The following CD47 variants were observed in gnomAD, a reference collection of about 807,000 sequenced individuals.
CD47 encodes the protein leukocyte surface antigen CD47.
A neutral mutation model predicts 44.6 loss-of-function variants in CD47; 11 were observed. The ratio of observed to expected loss-of-function variants is 0.25; its 90% confidence interval spans 0.16 to 0.41. The LOEUF is 0.41. Ranked by LOEUF, CD47 falls within the 10% of genes least tolerant of loss-of-function variation. The pLI, the probability that CD47 is intolerant of heterozygous loss-of-function variation, is 1.00. For missense variants in CD47, 306 were observed against 386.7 expected, an observed-to-expected ratio of 0.79 and a Z score of 1.75; for synonymous variants, 140 against 136.3, an observed-to-expected ratio of 1.03 and a Z score of -0.19.
At chr3:108,079,567 T>TAAAAAAAAAAAAAAAAAAAAA (rs71629342) in intron 2 of CD47, among the ~76,000 whole-genome samples, 1 of 53,120 alleles carries the variant, frequency 1.9e-5, no homozygotes, top group African/African-American at 1.0e-4. Flanking sequence ...AGTGTAAGGT[T>TAAAAAAAAAAAAAAAAAAAAA]AAAAAAAAAA....
chr3:108,085,196 A>G (rs910810888), intron 1 of CD47, among the ~76,000 whole-genome samples: 13 of 152,054 alleles, frequency 8.5e-5, no homozygotes, highest in African/African-American at 3.1e-4. Context: ...GCCTTAGCAC[A>G]TACTGTTCCT....
chr3:108,060,621 T>C, intron 4 of CD47, 124 bp downstream of exon 4: 2 of 643,386 alleles, frequency 3.1e-6, no homozygotes, highest in South Asian at 1.8e-5. Context: ...GGAATTGCTA[T>C]TGTTTAAGCC....
At chr3:108,077,984 G>A (rs893574885) in intron 2 of CD47, among the ~76,000 whole-genome samples, 14 of 151,960 alleles carry the variant, frequency 9.2e-5, no homozygotes, top group African/African-American at 2.7e-4. Context: ...TGATTGTGTA[G>A]GTAGTTACGC....
intron 9 of CD47, among the ~76,000 whole-genome samples, chr3:108,050,308 G>A (rs943595279): frequency 1.3e-5 from 2 of 152,104 alleles, no homozygotes; most frequent in African/African-American, 4.8e-5. Flanking sequence ...AGTAGAGACA[G>A]GGTTTCAACA....
rs573320458 is a variant in CD47 at position 108,052,368 on chromosome 3, T to C, written c.878-398A>G. 5 of 198,446 alleles carry C rather than the reference T, an allele frequency of 2.5e-5. No homozygotes were observed. The East Asian group carries it at 4.3e-4, about 17-fold the overall frequency. The allele number at this position is 198,446 out of a possible 1,614,324, so 12.3% of individuals were successfully genotyped here. On this transcript the variant is annotated intron_variant, in intron 7 of 10. Coordinates refer to ENST00000361309, the MANE Select transcript of CD47 (RefSeq NM_001777.4). ...GCCAGAATTTGTCCCCACTACTCCA[T>C]CTCCCTTAGCTCACTGCTCCTGTGT...
intron 1 of CD47, among the ~76,000 whole-genome samples, chr3:108,084,679 A>C (rs1430434577): frequency 1.3e-5 from 2 of 151,916 alleles, no homozygotes; most frequent in Non-Finnish European, 2.9e-5. Flanking sequence ...CCCACTTCTT[A>C]CCCTCAGCCT....
intron 10 of CD47, among the ~76,000 whole-genome samples, chr3:108,049,058 TA>T (rs1014422916): frequency 6.1e-5 from 9 of 146,498 alleles, no homozygotes; most frequent in East Asian, 2.0e-4. Flanking sequence ...CCAGAGTTCT[TA>T]AAAAAAAAAT....
intron 3 of CD47, among the ~76,000 whole-genome samples, chr3:108,065,322 T>C (rs1472276786): frequency 6.6e-6 from 1 of 152,142 alleles, no homozygotes; most frequent in African/African-American, 2.4e-5. Flanking sequence ...TTTTTGAGTA[T>C]ATGGAGAAGG....
At chr3:108,074,711 T>G (rs1054753673) in intron 2 of CD47, among the ~76,000 whole-genome samples, 35 of 89,500 alleles carry the variant, frequency 3.9e-4, no homozygotes, top group Non-Finnish European at 4.8e-4. Flanking sequence ...GTGGGGCGGG[T>G]GGGGGGGGGG....
chr3:108,054,924 C>A lies in CD47; in HGVS notation c.877+2553G>T, dbSNP rs150835453. On this transcript the variant is annotated intron_variant, in intron 7 of 10. Coordinates refer to ENST00000361309, the MANE Select transcript of CD47 (RefSeq NM_001777.4). Reference sequence around the variant, plus strand: ...CTTTAAAAATGAGAAAGTATTGATCCTTATAATTATATAAACGTTCTCTAC... The same window carrying A: ...CTTTAAAAATGAGAAAGTATTGATCATTATAATTATATAAACGTTCTCTAC... Among the ~76,000 whole-genome samples, 830 of 152,182 alleles carry A rather than the reference C, an allele frequency of 5.5e-3. 25 individuals are homozygous for A. Among genetic ancestry groups the A allele is most frequent in the Admixed American group, 0.045 (691 of 15,272 alleles).
chr3:108,048,638 C>A (rs911137488), intron 10 of CD47, among the ~76,000 whole-genome samples: 10 of 152,098 alleles, frequency 6.6e-5, no homozygotes, highest in African/African-American at 2.4e-4. Flanking sequence ...CCCGCCTCGG[C>A]CTCCCAAAGT....
At chr3:108,060,339 T>C (rs1469598823) in intron 4 of CD47, among the ~76,000 whole-genome samples, 1 of 152,202 alleles carries the variant, frequency 6.6e-6, no homozygotes, top group Non-Finnish European at 1.5e-5. Flanking sequence ...TGGGCTCTAA[T>C]TCCAATGACA....
At chr3:108,048,204 TTTAAC>T (rs1188967471) in intron 10 of CD47, among the ~76,000 whole-genome samples, 1 of 152,138 alleles carries the variant, frequency 6.6e-6, no homozygotes, top group Non-Finnish European at 1.5e-5. Flanking sequence ...TGTTATGTCT[TTTAAC>T]TTATTCCTGT....
chr3:108,090,605 G>GGAGAACCGGGTGGAGGAGAT, intron 1 of CD47, among the ~76,000 whole-genome samples: 1 of 146,198 alleles, frequency 6.8e-6, no homozygotes, highest in Non-Finnish European at 1.5e-5. Flanking sequence ...ATTTGGAGAT[G>GGAGAACCGGGTGGAGGAGAT]GAGAACCGGG....
intron 10 of CD47, 120 bp downstream of exon 10, chr3:108,049,499 C>A (rs941192050): frequency 4.2e-6 from 3 of 712,702 alleles, no homozygotes; most frequent in Non-Finnish European, 7.5e-6. Flanking sequence ...GAAATGTGAA[C>A]CTTTATCATC....
intron 7 of CD47, 177 bp from the exon 8 acceptor site, chr3:108,052,147 T>C (rs554416700): frequency 2.2e-6 from 1 of 448,518 alleles, no homozygotes; most frequent in South Asian, 2.8e-5. Context: ...CTTGATTATA[T>C]ACACTGATTT....
chr3:108,061,816 T>C (rs1164844487), intron 3 of CD47, among the ~76,000 whole-genome samples: 2 of 152,152 alleles, frequency 1.3e-5, no homozygotes, highest in Non-Finnish European at 2.9e-5. Flanking sequence ...ATAGAGATAG[T>C]CTCCATGACA....
intron 3 of CD47, among the ~76,000 whole-genome samples, chr3:108,063,535 G>A (rs2079055921): frequency 6.6e-6 from 1 of 152,146 alleles, no homozygotes; most frequent in African/African-American, 2.4e-5. Flanking sequence ...TGATATAATA[G>A]ATGCCATAGA....
chr3:108,064,751 A>G (rs747497117), intron 3 of CD47, among the ~76,000 whole-genome samples: 3 of 152,226 alleles, frequency 2.0e-5, no homozygotes, highest in Non-Finnish European at 2.9e-5. Flanking sequence ...GCTGATGCGT[A>G]TCAGACTAAG....
Sources: gnomAD v4.1 joint callset for allele counts (sites outside exome capture counted in the v4.1 genomes callset) on GRCh38, gnomAD v4.1.1 for gene constraint, MANE v1.5 for transcripts, NCBI Gene and HGNC (gene_info 2026-07-23, HGNC 2026-07-21) for gene names.